Variants in SPATA22 observed in about 807,000 individuals in gnomAD.
SPATA22 encodes the protein spermatogenesis associated 22, also known as spermatogenesis-associated protein 22.
In SPATA22, 29 loss-of-function variants were observed where a neutral mutation model predicts 47.8. The ratio of observed to expected loss-of-function variants is 0.61; its 90% confidence interval spans 0.45 to 0.83. The LOEUF (loss-of-function observed/expected upper bound fraction) is 0.83. SPATA22 is among the 40% of genes least tolerant of loss of function. The pLI, the probability that SPATA22 is intolerant of heterozygous loss-of-function variation, is 0.00. For synonymous variants in SPATA22, 133 were observed against 140.9 expected (o/e 0.94, Z 0.40); for missense variants, 410 against 421.7 (o/e 0.97, Z 0.24).
upstream of SPATA22, chr17:3,476,473 G>A: frequency 2.3e-6 from 3 of 1,297,486 alleles, no homozygotes; most frequent in East Asian, 2.3e-5. Flanking sequence ...ACACATATAT[G>A]TATATGCAGA....
In SPATA22 at chr17:3,446,521, C is replaced by G. The variant is rs766398205; in HGVS notation, c.753G>C (p.Lys251Asn). 1.2e-6 allele frequency: 2 copies of G among 1,609,866 alleles called. No individual in the cohort carries two copies. Among genetic ancestry groups the G allele is most frequent in the Non-Finnish European group, 1.7e-6 (2 of 1,178,216 alleles). Reference protein sequence around the residue: ...RIISAVIESMKYWREHAQKTV... With the variant: ...RIISAVIESMNYWREHAQKTV... The stretch of plus-strand genomic sequence containing the variant: ...TTTTCTGTGCATGTTCACGCCAATA[C>G]TTCATGCTTTCAATAACTGCAGAAA... The change falls in exon 7 of 9, where the codon AAG becomes AAC. Residue 251 changes from lysine (K) to asparagine (N), a missense_variant. Transcript: ENST00000572969.
intron 1 of SPATA22, chr17:3,483,704 C>A: frequency 9.4e-7 from 1 of 1,065,896 alleles, no homozygotes; most frequent in Non-Finnish European, 1.4e-6. Context: ...GCTCTGTCAC[C>A]CAGGCTGGAG....
chr17:3,471,431 C>A (rs968799103), intron 1 of SPATA22: 18 of 985,406 alleles, frequency 1.8e-5, no homozygotes, highest in Middle Eastern at 1.0e-3. Context: ...CCTCATTTAC[C>A]CCCAATCCCA....
At chr17:3,445,443 A>C (rs2072706054) in intron 7 of SPATA22, among the ~76,000 whole-genome samples, 1 of 152,110 alleles carries the variant, frequency 6.6e-6, no homozygotes, top group Non-Finnish European at 1.5e-5. Context: ...ACCTCCAAAA[A>C]GCCAAAAACG....
rs201198091 is a variant in SPATA22, at chr17:3,440,316, A to G, written c.923T>C (p.Ile308Thr). 6 of 1,570,264 alleles carry G rather than the reference A, an allele frequency of 3.8e-6. No homozygotes were observed. The East Asian group carries it at 1.4e-4, about 36-fold the overall frequency. Reference sequence around the variant, plus strand: ...AACACATCTATGAACTCGGCCTCTAATCAGTCTCGGAAGTTCACGATCCTG... The same window carrying G: ...AACACATCTATGAACTCGGCCTCTAGTCAGTCTCGGAAGTTCACGATCCTG... The part of the protein sequence containing the change: ...YEIDRELPRL[I>T]RGRVHRCVGN... Residue 308 changes from isoleucine to threonine, a missense_variant, in exon 9 of 9, where the codon ATT becomes ACT. By Grantham distance (89) the Ile-to-Thr change is moderately conservative. Transcript: ENST00000572969.
intron 5 of SPATA22, among the ~76,000 whole-genome samples, chr17:3,460,997 T>C (rs920692488): frequency 5.3e-5 from 8 of 152,140 alleles, no homozygotes; most frequent in Non-Finnish European, 1.2e-4. Flanking sequence ...ATGAAATCTA[T>C]ATTGATAATG....
rs1332968732 is a variant in SPATA22 at position 3,490,545 on chromosome 17, C to A, written c.-73-21147G>T. ...TTCCTCAACCTCAGATCGTGCGCAC[C>A]CCACTGCAATCACAGACATTCGTTT... is the stretch of plus-strand genomic sequence containing the variant. On this transcript the variant is annotated intron_variant, in intron 1 of 8. Coordinates refer to the SPATA22 transcript ENST00000541913. This position sits in a 1 kb window ranked among gnomAD's most constrained non-coding sequence, Gnocchi z 4.6. Among the ~76,000 whole-genome samples the A allele has an allele frequency of 6.6e-6, 1 of 152,000 alleles. No homozygotes were observed.
At chr17:3,507,153 C>T (rs2074048521) in intron 1 of SPATA22, among the ~76,000 whole-genome samples, 1 of 151,932 alleles carries the variant, frequency 6.6e-6, no homozygotes, top group Admixed American at 6.5e-5. Context: ...GGGATAAAAC[C>T]TACTACAGCT....
At chr17:3,481,756 T>C (rs1440066321) in intron 1 of SPATA22, 1 of 1,612,876 alleles carries the variant, frequency 6.2e-7, no homozygotes, top group African/African-American at 1.3e-5. Context: ...TTCTTGAGGA[T>C]TCCAGGAATA....
At chr17:3,491,641 C>T (rs2073826145) in intron 1 of SPATA22, among the ~76,000 whole-genome samples, 1 of 151,704 alleles carries the variant, frequency 6.6e-6, no homozygotes, top group Admixed American at 6.6e-5. Context: ...CCAGCTACTC[C>T]GAAGGCTGAG....
Position 3,443,258 on chromosome 17 carries a change from T to G in SPATA22, c.816A>C (p.Ser272=). ...LLFEVLAVLD[S]AVTPGPYYSK... ...AATAATATGGGCCAGGTGTAACAGC[T>G]GAATCAAGAACAGCTAAGCAATATT... The change falls in exon 8 of 9, where the codon TCA becomes TCC. Residue 272 remains serine (S), a synonymous_variant. Transcript: ENST00000572969. The G allele has an allele frequency of 1.2e-6, 2 of 1,608,352 alleles. No individual in the cohort carries two copies. Among genetic ancestry groups the G allele is most frequent in the Non-Finnish European group, 1.7e-6 (2 of 1,177,218 alleles).
intron 6 of SPATA22, among the ~76,000 whole-genome samples, chr17:3,447,844 G>A (rs1466999965): frequency 2.0e-5 from 3 of 152,062 alleles, no homozygotes; most frequent in East Asian, 1.9e-4. Flanking sequence ...CTATGATGTC[G>A]TACCAGTGAC....
chr17:3,450,143 A>G (rs969265137), intron 5 of SPATA22, among the ~76,000 whole-genome samples: 1 of 152,166 alleles, frequency 6.6e-6, no homozygotes, highest in African/African-American at 2.4e-5. Context: ...ATAAGCCACC[A>G]TTCCCAGCCC....
At chr17:3,471,983 G>T, upstream of SPATA22, 1 of 488,880 alleles carries the variant, frequency 2.0e-6, no homozygotes, top group South Asian at 8.7e-5. Context: ...CAGCTCCTTA[G>T]AGTTTTGCCC....
intron 5 of SPATA22, 78 bp from the exon 6 acceptor site, chr17:3,449,227 T>C (rs746457454): frequency 1.2e-5 from 13 of 1,073,180 alleles, no homozygotes; most frequent in African/African-American, 1.6e-5. Context: ...GAAAAATTCA[T>C]TTATATGGCA....
chr17:3,468,822 A>G, intron 2 of SPATA22: 1 of 679,542 alleles, frequency 1.5e-6, no homozygotes, highest in Admixed American at 6.3e-5. Context: ...AATCCACCAT[A>G]AATAATAGTT....
chr17:3,469,025 T>C (rs2073372921), intron 2 of SPATA22: 1 of 338,884 alleles, frequency 3.0e-6, no homozygotes. Context: ...TTTTCAGTTT[T>C]AAAGCATAGA....
In SPATA22 at chr17:3,478,494, T is replaced by C. The variant is rs80199767; in HGVS notation, c.-73-9096A>G. Among the ~76,000 whole-genome samples, 643 of 152,326 alleles carry C rather than the reference T, an allele frequency of 4.2e-3. 7 individuals carry two copies. The highest frequency in any genetic ancestry group is 0.014 in the African/African-American group (584 of 41,574). Reference sequence around the variant, plus strand: ...GTCAACACAATTCATGCTTATCTATTGACCTAAGAGAGCTGTTAACTAACT... The same window carrying C: ...GTCAACACAATTCATGCTTATCTATCGACCTAAGAGAGCTGTTAACTAACT... On this transcript the variant is annotated intron_variant, in intron 1 of 8. Transcript: ENST00000541913.
At position 3,448,929 on chromosome 17, in the gene SPATA22, A is replaced by G. The variant is rs1203030445; in HGVS notation, c.550T>C (p.Ser184Pro). ...TCTAGCCCTCTCATTGTGCAGCCAG[A>G]TATTTTTGATGAATGTGTTTGTCTG... ...LLRQTHSSKI[S>P]GCTMRGLDKN... Residue 184 changes from serine to proline, a missense_variant, in exon 6 of 9, where the codon TCT becomes CCT. Physicochemically the swap from Ser to Pro is moderately conservative, Grantham distance 74. Coordinates refer to ENST00000572969, the MANE Select transcript of SPATA22 (RefSeq NM_001170698.2). The G allele has an allele frequency of 1.2e-6, 2 of 1,613,904 alleles. No homozygotes were observed. The highest frequency in any genetic ancestry group is 1.1e-5 in the South Asian group (1 of 91,080).
Sources: gnomAD v4.1 joint callset for allele counts (sites outside exome capture counted in the v4.1 genomes callset) on GRCh38, gnomAD v4.1.1 for gene constraint, Gnocchi (gnomAD v3.1) non-coding constraint, MANE v1.5 for transcripts, NCBI Gene and HGNC (gene_info 2026-07-23, HGNC 2026-07-21) for gene names.